Variants in OVCH1 observed in about 807,000 individuals in gnomAD.
OVCH1 encodes ovochymase 1.
OVCH1 carries 139 observed loss-of-function variants against 138.4 expected under a neutral mutation model. That is an observed-to-expected ratio of 1.00 (90% CI 0.87 to 1.16). The LOEUF is 1.16. Among genes scored for constraint, OVCH1 ranks in the 50% most tolerant of loss-of-function variants. OVCH1 has a pLI of 0.00. For missense variants in OVCH1, 1,367 were observed against 1,357.9 expected (o/e 1.01, Z -0.11); for synonymous variants, 453 against 467.8 (o/e 0.97, Z 0.41).
exon 26 of OVCH1, chr12:29,439,422 C>T: frequency 6.6e-7 from 1 of 1,525,796 alleles, no homozygotes. Flanking sequence ...TGCCAGAGTT[C>T]CAGCGAATGA....
rs545468681 is a variant in OVCH1, at chr12:29,470,357, A to G, written c.1856+1445T>C. On this transcript the variant is annotated intron_variant, in intron 16 of 27. Transcript: ENST00000318184. Reference sequence around the variant, plus strand: ...GTTTTAAGCCCCACATGCATTAGGTATTTGTCCTAATGCTCTCCCTCCCCT... The same window carrying G: ...GTTTTAAGCCCCACATGCATTAGGTGTTTGTCCTAATGCTCTCCCTCCCCT... Among the ~76,000 whole-genome samples, 16 of 152,052 alleles carry G rather than the reference A, an allele frequency of 1.1e-4. 1 individual carries two copies. Among genetic ancestry groups the G allele is most frequent in the Admixed American group, 7.9e-4 (12 of 15,250 alleles).
chr12:29,411,799 C>CACTGCTCTCTTCAA, downstream of OVCH1, among the ~76,000 whole-genome samples: 1 of 119,720 alleles, frequency 8.4e-6, no homozygotes, highest in East Asian at 2.5e-4. Context: ...CTCAGATATC[C>CACTGCTCTCTTCAA]AGCTGCATGC....
intron 25 of OVCH1, among the ~76,000 whole-genome samples, chr12:29,440,187 A>T (rs1213160245): frequency 6.6e-6 from 1 of 152,088 alleles, no homozygotes; most frequent in Non-Finnish European, 1.5e-5. Context: ...GAAGAGAAAT[A>T]TTTTTTTACC....
At chr12:29,431,793 G>T (rs975487975) in intron 27 of OVCH1, among the ~76,000 whole-genome samples, 1 of 152,062 alleles carries the variant, frequency 6.6e-6, no homozygotes, top group African/African-American at 2.4e-5. Flanking sequence ...TACATTAAAG[G>T]TTTTCTATGT....
exon 12 of OVCH1, chr12:29,477,102 C>G (rs1942763127): frequency 6.2e-7 from 1 of 1,602,698 alleles, no homozygotes; most frequent in African/African-American, 1.3e-5. Flanking sequence ...AGTTGCCTAC[C>G]TTTATAATGT....
exon 4 of OVCH1, chr12:29,495,415 G>T: frequency 6.2e-7 from 1 of 1,613,356 alleles, no homozygotes; most frequent in Non-Finnish European, 8.5e-7. Context: ...TCTGAAAGAG[G>T]CTGTACTCCC....
At chr12:29,436,940 C>G (rs1941373714) in intron 26 of OVCH1, among the ~76,000 whole-genome samples, 1 of 152,186 alleles carries the variant, frequency 6.6e-6, no homozygotes, top group South Asian at 2.1e-4. Context: ...CTGCTGCTGG[C>G]CCCGGTGGCC....
chr12:29,427,606 AATCTGCTGGCACCTG>A, exon 28 of OVCH1: 1 of 1,551,390 alleles, frequency 6.4e-7, no homozygotes, highest in South Asian at 1.2e-5. Context: ...GCAGGCACCA[AATCTGCTGGCACCTG>A]GATCCTGGAC....
At chr12:29,434,763 T>TA (rs1331845793) in intron 26 of OVCH1, among the ~76,000 whole-genome samples, 1 of 151,926 alleles carries the variant, frequency 6.6e-6, no homozygotes, top group African/African-American at 2.4e-5. Context: ...TTGAGCAAAG[T>TA]AAAAAATTCT....
intron 9 of OVCH1, among the ~76,000 whole-genome samples, chr12:29,477,992 ATAT>A (rs1038514206): frequency 2.0e-5 from 3 of 152,168 alleles, no homozygotes; most frequent in Non-Finnish European, 4.4e-5. Context: ...TAGACAATAA[ATAT>A]TATAACCCCT....
At chr12:29,446,987 CT>C (rs1455176454) in intron 22 of OVCH1, among the ~76,000 whole-genome samples, 1 of 151,416 alleles carries the variant, frequency 6.6e-6, no homozygotes, top group Non-Finnish European at 1.5e-5. Flanking sequence ...AATGACAATA[CT>C]AAGAATAAGC....
chr12:29,473,207 C>G lies in OVCH1; in HGVS notation c.1601-104G>C. ...CATAAAACTACTCTACTGTAGATCTCACTAACACTACCATTCATACACTAG... is the reference window on the plus strand; with the variant it reads ...CATAAAACTACTCTACTGTAGATCTGACTAACACTACCATTCATACACTAG... On this transcript the variant is annotated intron_variant, in intron 14 of 27. Coordinates refer to ENST00000318184, the Ensembl canonical transcript of OVCH1. 8.2e-6 allele frequency: 6 copies of G among 729,366 alleles called. No homozygotes were observed. The Middle Eastern group carries it at 1.4e-3, about 172-fold the overall frequency. The allele number at this position is 729,366 out of a possible 1,614,324, so 45.2% of individuals were successfully genotyped here.
At chr12:29,438,920 G>GACTT (rs1941414463) in intron 26 of OVCH1, among the ~76,000 whole-genome samples, 1 of 152,110 alleles carries the variant, frequency 6.6e-6, no homozygotes, top group South Asian at 2.1e-4. Context: ...GTCAAGCATT[G>GACTT]ACTTAACCCT....
At chr12:29,455,609 T>G (rs1028173025) in intron 19 of OVCH1, among the ~76,000 whole-genome samples, 1 of 152,242 alleles carries the variant, frequency 6.6e-6, no homozygotes, top group African/African-American at 2.4e-5. Context: ...GATGGTAATT[T>G]GATTCCAGGG....
chr12:29,476,166 C>T lies in OVCH1; in HGVS notation c.1471+40G>A, dbSNP rs369509424. The T allele has an allele frequency of 7.9e-6, 12 of 1,518,304 alleles. No homozygotes were observed. In the East Asian group the frequency reaches 1.1e-4, roughly 14 times the overall value. 94.1% of individuals were successfully genotyped at this position (1,518,304 alleles called of 1,614,324 possible). A position where few individuals can be genotyped will look rare whatever the true frequency, so the allele number is the denominator to read the frequency against. ...AGCCCATGTTGCCACTACTCTGATT[C>T]GTCTAACACTTTCATATTTAAAGGG... On this transcript the variant is annotated intron_variant, in intron 13 of 27. Coordinates refer to ENST00000318184, the Ensembl canonical transcript of OVCH1.
At chr12:29,489,888 GTT>G in intron 5 of OVCH1, 117 bp from the exon 6 acceptor site, 2 of 1,110,508 alleles carry the variant, frequency 1.8e-6, no homozygotes, top group Non-Finnish European at 2.6e-6. Flanking sequence ...AGAAGTAATT[GTT>G]TTTAGGTGTG....
chr12:29,495,155 AATT>A, intron 4 of OVCH1, 127 bp downstream of exon 4: 1 of 971,928 alleles, frequency 1.0e-6, no homozygotes, highest in Non-Finnish European at 1.5e-6. Context: ...GACCGAACAA[AATT>A]ATTTTAAAAA....
chr12:29,417,332 A>T (rs1445579528), intron 3 of OVCH1, among the ~76,000 whole-genome samples: 1 of 151,896 alleles, frequency 6.6e-6, no homozygotes, highest in Non-Finnish European at 1.5e-5. Context: ...GCATGGTGGC[A>T]TGCACCTGTA....
At chr12:29,496,316 C>G in intron 2 of OVCH1, 38 bp from the exon 3 acceptor site, 3 of 1,468,692 alleles carry the variant, frequency 2.0e-6, no homozygotes, top group Non-Finnish European at 2.8e-6. Flanking sequence ...GCTAATATGT[C>G]TCCCCACATA....
Sources: gnomAD v4.1 joint callset for allele counts (sites outside exome capture counted in the v4.1 genomes callset) on GRCh38, gnomAD v4.1.1 for gene constraint, MANE v1.5 for transcripts, NCBI Gene and HGNC (gene_info 2026-07-23, HGNC 2026-07-21) for gene names.